STN1: variants seen among roughly 807,000 people sequenced by gnomAD.
The protein encoded by STN1 is CST complex subunit STN1.
A neutral mutation model predicts 45.5 loss-of-function variants in STN1; 29 were observed. The observed-to-expected ratio is 0.64, with a 90% CI of 0.47 to 0.87. STN1 has a LOEUF of 0.87. Ranked by LOEUF, STN1 falls within the 40% of genes least tolerant of loss-of-function variation. STN1 has a pLI of 0.00. For missense variants in STN1, 376 were observed against 441.4 expected, an observed-to-expected ratio of 0.85 and a Z score of 1.33; for synonymous variants, 148 against 159.0, an observed-to-expected ratio of 0.93 and a Z score of 0.52.
rs377254063 is a variant in STN1, at chr10:103,881,236, C to A, written c.*1448G>T. ...CCTTTCACACTTGTGTAGCCATCTC[C>A]TTGAGATAAACCCCTAAGAGCAGAG... On this transcript the variant is annotated 3_prime_UTR_variant, in exon 10 of 10. Coordinates refer to ENST00000224950, the MANE Select transcript of STN1 (RefSeq NM_024928.5). Among the ~76,000 whole-genome samples, 2 of 152,212 alleles carry A rather than the reference C, an allele frequency of 1.3e-5. No homozygotes were observed. Among genetic ancestry groups the A allele is most frequent in the East Asian group, 1.9e-4 (1 of 5,202 alleles).
intron 2 of STN1, 22 bp downstream of exon 2, chr10:103,917,440 C>G: frequency 6.2e-7 from 1 of 1,609,142 alleles, no homozygotes; most frequent in Non-Finnish European, 8.5e-7. Context: ...CCCAGGGCAT[C>G]CCAGGGTGGC....
At chr10:103,912,464 C>T (rs777861196) in intron 2 of STN1, among the ~76,000 whole-genome samples, 2 of 152,214 alleles carry the variant, frequency 1.3e-5, no homozygotes, top group African/African-American at 4.8e-5. Context: ...ACTGACCAAA[C>T]GCAAAAGGAT....
At chr10:103,894,716 CA>C (rs889425258) in intron 7 of STN1, among the ~76,000 whole-genome samples, 1 of 141,348 alleles carries the variant, frequency 7.1e-6, no homozygotes, top group African/African-American at 2.6e-5. Context: ...ACCAAACAAA[CA>C]AAAAAAAACA....
At chr10:103,889,765 C>T (rs941678804) in intron 8 of STN1, among the ~76,000 whole-genome samples, 9 of 148,046 alleles carry the variant, frequency 6.1e-5, no homozygotes, top group Non-Finnish European at 8.9e-5. Flanking sequence ...TGCAGTGGCA[C>T]GATCTTAGCT....
rs199719095 is a variant in STN1 at position 103,892,301 on chromosome 10, C to T, written c.754-49G>A. On this transcript the variant is annotated intron_variant, in intron 7 of 9. Transcript: ENST00000224950. ...AAGAAAAGAAATAAGTCTCACCTTA[C>T]GGCACCTGAGAACAACTCCTAGACC... 1,982 of 1,537,032 alleles carry T rather than the reference C, an allele frequency of 1.3e-3. 2 individuals carry two copies. Among genetic ancestry groups the T allele is most frequent in the Non-Finnish European group, 1.6e-3 (1,870 of 1,150,604 alleles).
rs539073759 is a variant in STN1, at chr10:103,897,735, T to G, written c.582-16A>C. ...GCCTGGATTGCTGCGGAGGGAAAGT[T>G]TTAAAGAGCTCTGCAGAAAACCATC... On this transcript the variant is annotated splice_polypyrimidine_tract_variant and intron_variant, in intron 6 of 9. Transcript: ENST00000224950. 2 of 1,612,238 alleles carry G rather than the reference T, an allele frequency of 1.2e-6. No individual in the cohort carries two copies. Among genetic ancestry groups the G allele is most frequent in the African/African-American group, 1.3e-5 (1 of 74,872 alleles).
Position 103,898,941 on chromosome 10 carries a change from T to C in STN1, c.517A>G (p.Ile173Val), listed in dbSNP as rs1370240326. The C allele has an allele frequency of 1.2e-6, 2 of 1,614,106 alleles. No individual in the cohort carries two copies. Among genetic ancestry groups the C allele is most frequent in the South Asian group, 1.1e-5 (1 of 91,082 alleles). The stretch of plus-strand genomic sequence containing the variant: ...GGCTGGTCATAAACTTTCCTGTAGA[T>C]AGTGGGCAGCTCAAGCATCCTTGCA... ...QIARMLELPT[I>V]YRKVYDQPFH... The change falls in exon 6 of 10, where the codon ATC (isoleucine) becomes GTC (valine). Residue 173 changes from isoleucine (I) to valine (V), a missense_variant. Coordinates refer to ENST00000224950, the MANE Select transcript of STN1 (RefSeq NM_024928.5).
intron 4 of STN1, among the ~76,000 whole-genome samples, chr10:103,903,504 G>A (rs2134369285): frequency 6.6e-6 from 1 of 152,298 alleles, no homozygotes; most frequent in Non-Finnish European, 1.5e-5. Flanking sequence ...GGTTATGAGA[G>A]CTCCACTCTC....
At chr10:103,907,171 T>C (rs1476632609) in intron 3 of STN1, among the ~76,000 whole-genome samples, 1 of 152,206 alleles carries the variant, frequency 6.6e-6, no homozygotes, top group South Asian at 2.1e-4. Context: ...TAACAATTAC[T>C]TCCAGATAAA....
At chr10:103,909,486 A>G (rs1335685762) in intron 3 of STN1, among the ~76,000 whole-genome samples, 1 of 53,080 alleles carries the variant, frequency 1.9e-5, no homozygotes, top group Non-Finnish European at 4.0e-5. Flanking sequence ...ATGTATATAT[A>G]TGTGTGTGTG....
rs1266640091 is a variant in STN1, at chr10:103,881,832, C to T, written c.*852G>A. 1.3e-5 allele frequency among the ~76,000 whole-genome samples: 2 copies of T among 152,190 alleles called. No homozygotes were observed. The highest frequency in any genetic ancestry group is 2.9e-5 in the Non-Finnish European group (2 of 68,030). ...TGTCATTCTGAGCAAAAGCATGACT[C>T]CATCACCTGTCTGGGCACATACCGA... On this transcript the variant is annotated 3_prime_UTR_variant, in exon 10 of 10. Coordinates refer to ENST00000224950, the MANE Select transcript of STN1 (RefSeq NM_024928.5).
chr10:103,900,710 T>TCA (rs1262214839), intron 4 of STN1, among the ~76,000 whole-genome samples: 62 of 106,304 alleles, frequency 5.8e-4, no homozygotes, highest in African/African-American at 2.2e-3. Context: ...TCTCTCTCTC[T>TCA]CTCACACACA....
chr10:103,892,494 G>A (rs1196117206), intron 7 of STN1, among the ~76,000 whole-genome samples: 1 of 149,846 alleles, frequency 6.7e-6, no homozygotes. Context: ...TTTTTTTAAT[G>A]AACTCAACAC....
At position 103,905,091 on chromosome 10, in the gene STN1, C is replaced by G; in HGVS notation, c.295G>C (p.Ala99Pro). ...AAAGGAATGTGGCAAATAAAATTAC[C>G]TGATACAGACTCAGTATTCAACTTT... Reference protein sequence around the residue: ...WKKLNTESVSAAPSAARELSL... With the variant: ...WKKLNTESVSPAPSAARELSL... Residue 99 changes from alanine to proline, a missense_variant and splice_region_variant, in exon 4 of 10, where the codon GCT becomes CCT. By Grantham distance (27) the Ala-to-Pro change is conservative. Coordinates refer to ENST00000224950, the MANE Select transcript of STN1 (RefSeq NM_024928.5). 6.2e-7 allele frequency: 1 copy of G among 1,613,026 alleles called. No individual in the cohort carries two copies. The highest frequency in any genetic ancestry group is 1.1e-5 in the South Asian group (1 of 91,054).
At chr10:103,891,858 G>A (rs1843141553) in intron 8 of STN1, among the ~76,000 whole-genome samples, 1 of 152,208 alleles carries the variant, frequency 6.6e-6, no homozygotes. Flanking sequence ...CTCATATGTG[G>A]GTTTCACATC....
chr10:103,887,861 G>T (rs1006340831), intron 9 of STN1, among the ~76,000 whole-genome samples: 1 of 152,172 alleles, frequency 6.6e-6, no homozygotes, highest in Non-Finnish European at 1.5e-5. Context: ...TAATGCAGAT[G>T]AAAATAAGAA....
intron 5 of STN1, 44 bp downstream of exon 5, chr10:103,900,018 C>T: frequency 6.3e-7 from 1 of 1,597,114 alleles, no homozygotes; most frequent in Non-Finnish European, 8.6e-7. Flanking sequence ...ACTGGACGCA[C>T]ATCCAGAAAA....
intron 2 of STN1, among the ~76,000 whole-genome samples, chr10:103,914,756 G>C (rs1296655440): frequency 6.6e-6 from 1 of 151,946 alleles, no homozygotes; most frequent in Admixed American, 6.6e-5. Context: ...ATTTTTCTTA[G>C]TTCAACTCTA....
chr10:103,886,968 C>A (rs1843107572), intron 9 of STN1, among the ~76,000 whole-genome samples: 1 of 152,190 alleles, frequency 6.6e-6, no homozygotes, highest in Non-Finnish European at 1.5e-5. Context: ...CCTTCAGGGA[C>A]CTAAGACAGG....
Sources: allele counts gnomAD v4.1 joint callset (sites outside exome capture counted in the v4.1 genomes callset), GRCh38; gene constraint gnomAD v4.1.1; transcripts MANE v1.5; gene names NCBI Gene and HGNC (gene_info 2026-07-23, HGNC 2026-07-21).